The following ABTB3 variants were observed in gnomAD, a reference collection of about 807,000 sequenced individuals.
ABTB3 encodes ankyrin repeat- and BTB/POZ domain-containing protein 3.
chr12:107,458,966 G>A, the ABTB3 span, among the ~76,000 whole-genome samples: 1 of 152,208 alleles, frequency 6.6e-6, no homozygotes, highest in Non-Finnish European at 1.5e-5. Context: ...TTTGAGAACA[G>A]GGGGGCCTGC....
chr12:107,346,750 T>C, the ABTB3 span, among the ~76,000 whole-genome samples: 1 of 152,202 alleles, frequency 6.6e-6, no homozygotes, highest in Non-Finnish European at 1.5e-5. Context: ...TGAGCCACCA[T>C]GCCCGGTGAG....
chr12:107,501,228 GTAT>G, the ABTB3 span, among the ~76,000 whole-genome samples: 2 of 152,130 alleles, frequency 1.3e-5, no homozygotes, highest in Admixed American at 1.3e-4. Flanking sequence ...GTTTTCATCA[GTAT>G]TATTATTATC....
At chr12:107,631,703 G>T in the ABTB3 span, among the ~76,000 whole-genome samples, 1 of 152,150 alleles carries the variant, frequency 6.6e-6, no homozygotes, top group African/African-American at 2.4e-5. Context: ...GCATGTGTAG[G>T]CTGCCCCTCT....
the ABTB3 span, among the ~76,000 whole-genome samples, chr12:107,327,267 T>C: frequency 6.6e-6 from 1 of 152,224 alleles, no homozygotes; most frequent in African/African-American, 2.4e-5. Context: ...GCCCGGATTA[T>C]TACTTCCTTT....
the ABTB3 span, among the ~76,000 whole-genome samples, chr12:107,535,423 G>C: frequency 2.6e-5 from 4 of 152,050 alleles, no homozygotes; most frequent in Non-Finnish European, 4.4e-5. Flanking sequence ...GCCCTAACAA[G>C]CAATTAAGCA....
chr12:107,445,316 A>G, the ABTB3 span, among the ~76,000 whole-genome samples: 1 of 152,244 alleles, frequency 6.6e-6, no homozygotes, highest in Non-Finnish European at 1.5e-5. Flanking sequence ...GTCTAAATTC[A>G]TTCACTGAAT....
At chr12:107,521,684 C>A in the ABTB3 span, among the ~76,000 whole-genome samples, 2 of 150,376 alleles carry the variant, frequency 1.3e-5, no homozygotes, top group South Asian at 2.1e-4. Context: ...CCCCCCACCC[C>A]CTACCCTCCC....
chr12:107,481,923 C>CTT, the ABTB3 span, among the ~76,000 whole-genome samples: 2 of 150,154 alleles, frequency 1.3e-5, no homozygotes, highest in African/African-American at 4.9e-5. Flanking sequence ...CTCTCTCTCT[C>CTT]TCTCTTTCTT....
At chr12:107,626,828 T>C in the ABTB3 span, among the ~76,000 whole-genome samples, 1 of 152,066 alleles carries the variant, frequency 6.6e-6, no homozygotes. Context: ...TAATTAACCA[T>C]GAACAAAATG....
chr12:107,398,593 C>T, the ABTB3 span, among the ~76,000 whole-genome samples: 2 of 152,148 alleles, frequency 1.3e-5, no homozygotes, highest in African/African-American at 2.4e-5. Flanking sequence ...CCCATTGTGG[C>T]TCTTGAATTC....
chr12:107,627,169 G>A, the ABTB3 span, among the ~76,000 whole-genome samples: 1 of 152,144 alleles, frequency 6.6e-6, no homozygotes, highest in South Asian at 2.1e-4. Flanking sequence ...ATAGACCCCA[G>A]GGACAAGTTT....
At chr12:107,565,389 A>C in the ABTB3 span, among the ~76,000 whole-genome samples, 1 of 152,188 alleles carries the variant, frequency 6.6e-6, no homozygotes, top group African/African-American at 2.4e-5. Flanking sequence ...TGCCAGACGT[A>C]GATGAAGATT....
chr12:107,573,653 A>G, the ABTB3 span, among the ~76,000 whole-genome samples: 1 of 152,340 alleles, frequency 6.6e-6, no homozygotes, highest in Admixed American at 6.5e-5. Context: ...TTGGCTTACA[A>G]GATTGTGGAT....
At chr12:107,379,143 G>A in the ABTB3 span, among the ~76,000 whole-genome samples, 3 of 152,148 alleles carry the variant, frequency 2.0e-5, no homozygotes, top group Admixed American at 2.0e-4. Context: ...ACTCCCATAG[G>A]GTTGGTGGAA....
the ABTB3 span, among the ~76,000 whole-genome samples, chr12:107,384,847 A>G: frequency 6.6e-6 from 1 of 152,222 alleles, no homozygotes; most frequent in Non-Finnish European, 1.5e-5. Context: ...TACAGCCTCC[A>G]CTGCAGGAGG....
At chr12:107,554,787 A>G in the ABTB3 span, among the ~76,000 whole-genome samples, 1 of 152,234 alleles carries the variant, frequency 6.6e-6, no homozygotes, top group African/African-American at 2.4e-5. Flanking sequence ...CACTGTGAAT[A>G]ACAAGGTATA....
At chr12:107,576,013 C>G in the ABTB3 span, among the ~76,000 whole-genome samples, 1 of 152,164 alleles carries the variant, frequency 6.6e-6, no homozygotes, top group East Asian at 1.9e-4. Flanking sequence ...GAATCCAGTT[C>G]CAATCAGTCT....
At chr12:107,620,482 C>T in the ABTB3 span, among the ~76,000 whole-genome samples, 1 of 151,968 alleles carries the variant, frequency 6.6e-6, no homozygotes, top group Non-Finnish European at 1.5e-5. Context: ...ACAGTTGGTA[C>T]AACAGTATTA....
chr12:107,587,045 G>A, the ABTB3 span, among the ~76,000 whole-genome samples: 46 of 152,346 alleles, frequency 3.0e-4, no homozygotes, highest in African/African-American at 1.1e-3. Context: ...GCCTCAAGGT[G>A]GGAAACTGTT....
Sources: allele counts gnomAD v4.1 joint callset (sites outside exome capture counted in the v4.1 genomes callset), GRCh38; gene constraint gnomAD v4.1.1; transcripts MANE v1.5; gene names NCBI Gene and HGNC (gene_info 2026-07-23, HGNC 2026-07-21).